The following TMEM165 variants were observed in gnomAD, a reference collection of about 807,000 sequenced individuals.
TMEM165 encodes putative divalent cation/proton antiporter TMEM165.
TMEM165 carries 19 observed loss-of-function variants against 30.0 expected under a neutral mutation model. The ratio of observed to expected loss-of-function variants is 0.63; its 90% CI spans 0.44 to 0.93. The LOEUF (loss-of-function observed/expected upper bound fraction) is 0.93, where lower values mean the gene tolerates loss of function less well. Among genes scored for constraint, TMEM165 ranks in the 40% least tolerant of loss-of-function variants. The probability of loss-of-function intolerance (pLI) is 0.00; values close to 1 mark genes in which losing one functional copy is unlikely to be tolerated. For missense variants in TMEM165, 340 were observed against 417.0 expected (o/e 0.82, Z 1.61); for synonymous variants, 168 against 162.9 (o/e 1.03, Z -0.24).
chr4:55,400,462 T>A (rs1210532660), intron 1 of TMEM165, among the ~76,000 whole-genome samples: 1 of 141,630 alleles, frequency 7.1e-6, no homozygotes, highest in African/African-American at 2.6e-5. Context: ...ATATATTTTT[T>A]TGTCTCACTC....
At chr4:55,441,381 T>C (rs1723356206) in intron 3 of TMEM165, among the ~76,000 whole-genome samples, 1 of 152,208 alleles carries the variant, frequency 6.6e-6, no homozygotes. Context: ...CACTACTGGG[T>C]ATCTACCCAA....
Position 55,451,544 on chromosome 4 carries a change from C to T in TMEM165, c.409-695C>T, listed in dbSNP as rs376224799. On this transcript the variant is annotated intron_variant, in intron 3 of 3. Transcript: ENST00000608091. ...TCTCAAAAATATCTCAGAAGGACCT[C>T]GTCCCTAAACCCCAGGGGGATCATG... Among the ~76,000 whole-genome samples the T allele has an allele frequency of 2.4e-4, 37 of 152,236 alleles. No homozygotes were observed. In the South Asian group the frequency reaches 6.2e-3, roughly 26 times the overall value.
chr4:55,451,788 T>C (rs899590562), intron 3 of TMEM165, among the ~76,000 whole-genome samples: 19 of 152,218 alleles, frequency 1.2e-4, no homozygotes, highest in African/African-American at 4.1e-4. Flanking sequence ...AAACATACTA[T>C]GTCCTCTTCT....
chr4:55,448,358 T>A (rs971725578), intron 3 of TMEM165, among the ~76,000 whole-genome samples: 5 of 152,182 alleles, frequency 3.3e-5, no homozygotes, highest in African/African-American at 1.2e-4. Flanking sequence ...TTAATATCTT[T>A]ATGTCTACAG....
At chr4:55,410,440 G>A (rs1028838725) in intron 1 of TMEM165, among the ~76,000 whole-genome samples, 1 of 152,038 alleles carries the variant, frequency 6.6e-6, no homozygotes, top group African/African-American at 2.4e-5. Context: ...TTGAGACAGA[G>A]TTTCACTCAT....
At chr4:55,448,700 G>A (rs2109739456) in intron 3 of TMEM165, 1 of 1,159,112 alleles carries the variant, frequency 8.6e-7, no homozygotes, top group Non-Finnish European at 1.2e-6. Flanking sequence ...AGCAAGCCTG[G>A]ATTTTTAAAA....
intron 3 of TMEM165, among the ~76,000 whole-genome samples, chr4:55,441,484 T>C (rs971295457): frequency 6.6e-6 from 1 of 152,114 alleles, no homozygotes; most frequent in Non-Finnish European, 1.5e-5. Context: ...TCAACCTAAG[T>C]GCCCATCAAC....
chr4:55,424,292 G>A, intron 4 of TMEM165: 1 of 485,494 alleles, frequency 2.1e-6, no homozygotes, highest in Non-Finnish European at 3.6e-6. Context: ...TATTTCATCA[G>A]GATTTGTTTG....
rs543965882 is a variant in TMEM165 at position 55,444,538 on chromosome 4, C to T, written c.409-7701C>T. ...ATTGAACTGAATTGATAAAACGTAT[C>T]TCTTGCATCTCACTTTTAATTAAGA... is the stretch of plus-strand genomic sequence containing the variant. On this transcript the variant is annotated intron_variant, in intron 3 of 3. Transcript: ENST00000608091. 8 of 1,419,438 alleles carry T rather than the reference C, an allele frequency of 5.6e-6. No individual in the cohort carries two copies. In the South Asian group the frequency reaches 6.9e-5, roughly 12 times the overall value. The allele number at this position is 1,419,438 out of a possible 1,614,324, so 87.9% of individuals were successfully genotyped here.
rs1553884928 is a variant in TMEM165, at chr4:55,400,281, T to TTATATATTATATATAATATTATATATAA, written c.207+3889_207+3916dup. ...TTAATATATAATATATAATATAATA[T>TTATATATTATATATAATATTATATATAA]TATATATTATATATAATATTATATA... On this transcript the variant is annotated intron_variant, in intron 1 of 5. Transcript: ENST00000381334. Among the ~76,000 whole-genome samples the TTATATATTATATATAATATTATATATAA allele has an allele frequency of 7.8e-4, 74 of 95,142 alleles. 1 individual carries two copies. The highest frequency in any genetic ancestry group is 5.2e-3 in the South Asian group (22 of 4,256). The allele number at this position is 95,142 out of a possible 152,430, so 62.4% of individuals were successfully genotyped here.
chr4:55,451,099 T>C (rs888200291), intron 3 of TMEM165, among the ~76,000 whole-genome samples: 1 of 151,744 alleles, frequency 6.6e-6, no homozygotes, highest in African/African-American at 2.4e-5. Context: ...CACTGCCCCA[T>C]TTCTCTTCTC....
intron 3 of TMEM165, among the ~76,000 whole-genome samples, chr4:55,441,576 T>C (rs746032503): frequency 1.2e-4 from 19 of 152,188 alleles, no homozygotes; most frequent in Non-Finnish European, 2.6e-4. Flanking sequence ...TAATGCATTT[T>C]GCAGCAACTT....
At chr4:55,430,569 T>C (rs1171268481), downstream of TMEM165, 2 of 152,242 alleles carry the variant, frequency 1.3e-5, no homozygotes, top group African/African-American at 2.4e-5. Flanking sequence ...GACCAAATTA[T>C]ACTATTTTTT....
intron 3 of TMEM165, among the ~76,000 whole-genome samples, chr4:55,441,487 C>G (rs908404560): frequency 6.6e-6 from 1 of 152,100 alleles, no homozygotes; most frequent in Non-Finnish European, 1.5e-5. Context: ...ACCTAAGTGC[C>G]CATCAACCAA....
At chr4:55,427,909 G>A (rs1462309189), downstream of TMEM165, 1 of 152,172 alleles carries the variant, frequency 6.6e-6, no homozygotes, top group Non-Finnish European at 1.5e-5. Flanking sequence ...GTCATTGATA[G>A]TGATCTTAAA....
In TMEM165 at chr4:55,396,002, G is replaced by C. The variant is rs551366873; in HGVS notation, c.-188G>C. The stretch of plus-strand genomic sequence containing the variant: ...CGGAGAGGACGGGCGCCGAGCCGGG[G>C]CTGCGGACTTCGGCCTGCCCCTCAC... On this transcript the variant is annotated 5_prime_UTR_variant, in exon 1 of 6. Coordinates refer to ENST00000381334, the MANE Select transcript of TMEM165 (RefSeq NM_018475.5). The C allele has an allele frequency of 1.2e-5, 5 of 409,776 alleles. No individual in the cohort carries two copies. The highest frequency in any genetic ancestry group is 1.1e-4 in the African/African-American group (5 of 47,540). 25.4% of individuals were successfully genotyped at this position (409,776 alleles called of 1,614,324 possible). A position where few individuals can be genotyped will look rare whatever the true frequency, so the allele number is the denominator to read the frequency against.
At chr4:55,402,433 ATTTTTT>A (rs1170738654) in intron 1 of TMEM165, among the ~76,000 whole-genome samples, 2 of 30,772 alleles carry the variant, frequency 6.5e-5, no homozygotes, top group African/African-American at 3.2e-4. Flanking sequence ...ATATATATAT[ATTTTTT>A]TTTTTTTTTT....
chr4:55,438,168 T>C lies in TMEM165; in HGVS notation c.408+13525T>C, dbSNP rs539939499. ...TCTATCTTTGTAGAGATTTAAACTG[T>C]ACAATAAGCTTTTGTGAATTTTTCA... is the stretch of plus-strand genomic sequence containing the variant. On this transcript the variant is annotated intron_variant, in intron 3 of 3. Coordinates refer to the TMEM165 transcript ENST00000608091. 3.0e-6 allele frequency: 4 copies of C among 1,326,558 alleles called. No individual in the cohort carries two copies. In the South Asian group the frequency reaches 3.9e-5, roughly 13 times the overall value. 82.2% of individuals were successfully genotyped at this position (1,326,558 alleles called of 1,614,324 possible).
chr4:55,405,262 A>G (rs962026167), intron 1 of TMEM165, among the ~76,000 whole-genome samples: 15 of 152,178 alleles, frequency 9.9e-5, no homozygotes, highest in Non-Finnish European at 1.9e-4. Context: ...AATGACATCA[A>G]TGATGTCATT....
Sources: allele counts gnomAD v4.1 joint callset (sites outside exome capture counted in the v4.1 genomes callset), GRCh38; gene constraint gnomAD v4.1.1; transcripts MANE v1.5; gene names NCBI Gene and HGNC (gene_info 2026-07-23, HGNC 2026-07-21).